MYBL1: variants seen among roughly 807,000 people sequenced by gnomAD.
The protein encoded by MYBL1 is MYB proto-oncogene like 1.
A neutral mutation model predicts 96.3 loss-of-function variants in MYBL1; 17 were observed. The observed-to-expected ratio is 0.18, with a 90% CI of 0.12 to 0.26. The LOEUF (loss-of-function observed/expected upper bound fraction) is 0.26, where lower values mean the gene tolerates loss of function less well. Among genes scored for constraint, MYBL1 ranks in the 10% least tolerant of loss-of-function variants. The pLI, the probability that MYBL1 is intolerant of heterozygous loss-of-function variation, is 1.00. For missense variants in MYBL1, 701 were observed against 882.9 expected (o/e 0.79, Z 2.61); for synonymous variants, 282 against 292.7 (o/e 0.96, Z 0.37).
intron 6 of MYBL1, among the ~76,000 whole-genome samples, chr8:66,594,867 G>A (rs1206286835): frequency 6.6e-6 from 1 of 152,044 alleles, no homozygotes; most frequent in African/African-American, 2.4e-5. Flanking sequence ...TTTATCTTTT[G>A]GTAGAAAACT....
rs886410333 is a variant in MYBL1 at position 66,579,119 on chromosome 8, T to C, written c.1101+1014A>G. 4.3e-3 allele frequency among the ~76,000 whole-genome samples: 648 copies of C among 151,988 alleles called. 7 individuals are homozygous for C. Among genetic ancestry groups the C allele is most frequent in the African/African-American group, 0.015 (621 of 41,454 alleles). ...TGGGGAGGGATAGCATTAGGAGATA[T>C]ACCTAATGCTAAATGACGAGTTAAT... is the stretch of plus-strand genomic sequence containing the variant. On this transcript the variant is annotated intron_variant, in intron 9 of 15. Coordinates refer to ENST00000522677, the MANE Select transcript of MYBL1 (RefSeq NM_001080416.4).
intron 5 of MYBL1, 150 bp from the exon 6 acceptor site, chr8:66,595,907 G>A (rs1809832677): frequency 1.8e-6 from 1 of 553,820 alleles, no homozygotes; most frequent in Non-Finnish European, 3.1e-6. Flanking sequence ...TTCTACTCAG[G>A]AAGATAGGTA....
At position 66,593,147 on chromosome 8, in the gene MYBL1, A is replaced by G. The variant is rs1213373653; in HGVS notation, c.735T>C (p.His245=). The change falls in exon 7 of 16, where the codon CAT becomes CAC. Residue 245 remains histidine, a synonymous_variant. Transcript: ENST00000522677. ...GAATAAAGGCAGAAGTAGGCTGAAC[A>G]TGTTCTATACAATTGCCTTCAGGTG... ...YVSPEGNCIE[H]VQPTSAFIQQ... 1.3e-6 allele frequency: 2 copies of G among 1,588,720 alleles called. No homozygotes were observed. Among genetic ancestry groups the G allele is most frequent in the African/African-American group, 1.3e-5 (1 of 74,480 alleles).
chr8:66,608,973 A>C (rs1479735206), intron 1 of MYBL1, among the ~76,000 whole-genome samples: 1 of 152,158 alleles, frequency 6.6e-6, no homozygotes, highest in African/African-American at 2.4e-5. Flanking sequence ...ATAAATGTCT[A>C]ATACATAACC....
intron 3 of MYBL1, among the ~76,000 whole-genome samples, chr8:66,601,000 G>A (rs560012375): frequency 6.6e-6 from 1 of 151,074 alleles, no homozygotes; most frequent in South Asian, 2.1e-4. Flanking sequence ...GAGAAACCCC[G>A]TCTCTACTAA....
chr8:66,595,866 G>A, intron 5 of MYBL1, 109 bp from the exon 6 acceptor site: 1 of 614,822 alleles, frequency 1.6e-6, no homozygotes, highest in Non-Finnish European at 2.6e-6. Flanking sequence ...GATGAAATTA[G>A]ATACTTTTTT....
At chr8:66,589,980 G>A (rs1475289225) in intron 8 of MYBL1, among the ~76,000 whole-genome samples, 1 of 151,986 alleles carries the variant, frequency 6.6e-6, no homozygotes, top group African/African-American at 2.4e-5. Context: ...AAGCTGAGGT[G>A]GGAGGACTGC....
chr8:66,581,180 A>T (rs1420002728), intron 8 of MYBL1, among the ~76,000 whole-genome samples: 1 of 152,114 alleles, frequency 6.6e-6, no homozygotes, highest in Admixed American at 6.5e-5. Context: ...ATCTGATTAT[A>T]CACTTTTATC....
Position 66,593,115 on chromosome 8 carries a change from G to C in MYBL1, c.762+5C>G, listed in dbSNP as rs890960055. On this transcript the variant is annotated splice_donor_5th_base_variant and intron_variant, in intron 7 of 15. Transcript: ENST00000522677. ...CCTTTGGTTTTCGTTATAAATAAAA[G>C]TTACCTGAATAAAGGCAGAAGTAGG... is the stretch of plus-strand genomic sequence containing the variant. The C allele has an allele frequency of 3.2e-6, 5 of 1,549,030 alleles. No homozygotes were observed. The highest frequency in any genetic ancestry group is 4.4e-6 in the Non-Finnish European group (5 of 1,139,056).
chr8:66,564,092 ACT>A lies in MYBL1; in HGVS notation c.*603_*604del, dbSNP rs1046752169. 5 of 151,508 alleles carry A rather than the reference ACT, an allele frequency of 3.3e-5. No homozygotes were observed. Among genetic ancestry groups the A allele is most frequent in the South Asian group, 2.1e-4 (1 of 4,788 alleles). The allele number at this position is 151,508 out of a possible 1,614,324, so 9.4% of individuals were successfully genotyped here. ...AATACTATTTACTAATAAAGAAAAA[ACT>A]CTTTTTTGAATGCTTTTTGTTTTCA... On this transcript the variant is annotated 3_prime_UTR_variant, in exon 16 of 16. Transcript: ENST00000522677.
intron 8 of MYBL1, among the ~76,000 whole-genome samples, chr8:66,588,828 T>C (rs1282677258): frequency 1.3e-5 from 2 of 152,202 alleles, no homozygotes; most frequent in Admixed American, 6.5e-5. Flanking sequence ...AAGACCATCC[T>C]GGCCAACATG....
chr8:66,584,331 TCAC>T (rs1282851251), intron 8 of MYBL1, among the ~76,000 whole-genome samples: 2 of 152,198 alleles, frequency 1.3e-5, no homozygotes, highest in Admixed American at 6.5e-5. Context: ...ATGTCCATTT[TCAC>T]CACTTCTATT....
Position 66,601,752 on chromosome 8 carries a change from C to A in MYBL1, c.144G>T (p.Lys48Asn). Residue 48 changes from lysine (K) to asparagine (N), a missense_variant, in exon 3 of 16, where the codon AAG becomes AAT. Lys to Asn is a moderately conservative substitution (Grantham distance 94, BLOSUM62 0). This residue lies in a region of MYBL1 where 68 missense variants were observed against 93.8 expected (regional missense o/e 0.72). Coordinates refer to ENST00000522677, the MANE Select transcript of MYBL1 (RefSeq NM_001080416.4). ...WTRDEDDKLK[K>N]LVEQHGTDDW... ...CATCAGTTCCATGTTGTTCAACCAA[C>A]TTCTTTAATTTATCATCCTATTAAA... 6.5e-7 allele frequency: 1 copy of A among 1,528,716 alleles called. No homozygotes were observed. Among genetic ancestry groups the A allele is most frequent in the South Asian group, 1.2e-5 (1 of 82,732 alleles). 94.7% of individuals were successfully genotyped at this position (1,528,716 alleles called of 1,614,324 possible).
At chr8:66,573,209 C>T (rs1385400999) in intron 11 of MYBL1, among the ~76,000 whole-genome samples, 155 bp downstream of exon 11, 2 of 152,226 alleles carry the variant, frequency 1.3e-5, no homozygotes, top group South Asian at 2.1e-4. Context: ...AGCAAAATTC[C>T]ATCTCAAACA....
At chr8:66,578,225 C>T (rs1232691433) in intron 9 of MYBL1, among the ~76,000 whole-genome samples, 1 of 151,622 alleles carries the variant, frequency 6.6e-6, no homozygotes, top group Non-Finnish European at 1.5e-5. Flanking sequence ...ACAAAATTGA[C>T]AAATGGGATC....
chr8:66,591,088 G>A (rs1005995910), intron 8 of MYBL1, among the ~76,000 whole-genome samples: 7 of 151,992 alleles, frequency 4.6e-5, no homozygotes, highest in Non-Finnish European at 7.4e-5. Flanking sequence ...GGTGGCTCAC[G>A]CCCTAATCCC....
intron 10 of MYBL1, 110 bp from the exon 11 acceptor site, chr8:66,573,616 T>C (rs934087180): frequency 1.0e-6 from 1 of 972,050 alleles, no homozygotes; most frequent in African/African-American, 1.7e-5. Flanking sequence ...TAAAAAAAGC[T>C]TATGAATAAT....
rs1357956192 is a variant in MYBL1 at position 66,576,038 on chromosome 8, G to A, written c.1439C>T (p.Pro480Leu). 1 of 1,613,696 alleles carries A rather than the reference G, an allele frequency of 6.2e-7. No individual in the cohort carries two copies. The highest frequency in any genetic ancestry group is 8.5e-7 in the Non-Finnish European group (1 of 1,179,816). Residue 480 changes from proline (P) to leucine (L), a missense_variant, in exon 10 of 16, where the codon CCA becomes CTA. Physicochemically the swap from Pro to Leu is moderately conservative, Grantham distance 98 (BLOSUM62 -3). Coordinates refer to ENST00000522677, the MANE Select transcript of MYBL1 (RefSeq NM_001080416.4). Reference protein sequence around the residue: ...DGGNMALKHTPLKTLPFSPSQ... With the variant: ...DGGNMALKHTLLKTLPFSPSQ... ...AGGAGAAAATGGTAGTGTTTTCAGT[G>A]GTGTATGTTTTAGCGCCATATTACC...
intron 1 of MYBL1, among the ~76,000 whole-genome samples, chr8:66,608,342 G>A (rs192153130): frequency 4.1e-4 from 62 of 152,192 alleles, no homozygotes; most frequent in African/African-American, 1.4e-3. Flanking sequence ...TTTTGAATGG[G>A]TAAGTGTGAA....
Sources: gnomAD v4.1 joint callset for allele counts (sites outside exome capture counted in the v4.1 genomes callset) on GRCh38, gnomAD v4.1.1 for gene constraint, gnomAD v4.1.1 regional missense constraint, MANE v1.5 for transcripts, NCBI Gene and HGNC (gene_info 2026-07-23, HGNC 2026-07-21) for gene names.